The following ZMYM2 variants were observed in gnomAD, a reference collection of about 807,000 sequenced individuals.
The protein encoded by ZMYM2 is zinc finger MYM-type protein 2.
ZMYM2 carries 56 observed loss-of-function variants against 162.8 expected under a neutral mutation model. That is an observed-to-expected ratio of 0.34 (90% CI 0.28 to 0.43). The LOEUF is 0.43. Among genes scored for constraint, ZMYM2 ranks in the 20% least tolerant of loss-of-function variants. The pLI is 1.00. For missense variants in ZMYM2, 1,275 were observed against 1,621.8 expected (o/e 0.79, Z 3.67); for synonymous variants, 510 against 541.6 (o/e 0.94, Z 0.81).
intron 6 of ZMYM2, among the ~76,000 whole-genome samples, chr13:20,010,227 G>A (rs372936858): frequency 2.0e-5 from 3 of 151,908 alleles, no homozygotes; most frequent in Admixed American, 6.6e-5. Context: ...ACAGAGTCTC[G>A]CTCTGTTACC....
chr13:20,023,714 G>GT (rs1269621523), intron 7 of ZMYM2, among the ~76,000 whole-genome samples: 2 of 152,084 alleles, frequency 1.3e-5, no homozygotes, highest in East Asian at 3.8e-4. Context: ...CACTAAATGT[G>GT]TGTTTATAGG....
the ZMYM2 span, among the ~76,000 whole-genome samples, chr13:19,900,653 T>A: frequency 6.6e-6 from 1 of 152,184 alleles, no homozygotes; most frequent in South Asian, 2.1e-4. Flanking sequence ...TAGCTCAATA[T>A]GCCTGATGAA....
At chr13:19,885,943 A>ATACACACATATGTG in the ZMYM2 span, among the ~76,000 whole-genome samples, 1 of 24,416 alleles carries the variant, frequency 4.1e-5, no homozygotes, top group African/African-American at 1.5e-4. Flanking sequence ...ACACATATAT[A>ATACACACATATGTG]TGTATATACA....
At chr13:19,905,765 T>G in the ZMYM2 span, among the ~76,000 whole-genome samples, 1 of 152,238 alleles carries the variant, frequency 6.6e-6, no homozygotes, top group East Asian at 1.9e-4. Flanking sequence ...TTGTGTGCTC[T>G]GTCCTTTTGG....
the ZMYM2 span, among the ~76,000 whole-genome samples, chr13:19,891,627 A>T: frequency 2.7e-5 from 4 of 150,452 alleles, 1 homozygote; most frequent in African/African-American, 9.8e-5. Context: ...AAAAAAAAAA[A>T]ATTAGCTAGG....
chr13:19,964,936 T>C (rs922493531), intron 2 of ZMYM2, among the ~76,000 whole-genome samples: 2 of 152,214 alleles, frequency 1.3e-5, no homozygotes, highest in African/African-American at 4.8e-5. Flanking sequence ...GTTAAAACTC[T>C]TGCATTAAAC....
intron 3 of ZMYM2, among the ~76,000 whole-genome samples, chr13:19,994,657 T>G (rs1396516698): frequency 2.0e-5 from 3 of 151,972 alleles, no homozygotes; most frequent in Admixed American, 2.0e-4. Context: ...GCATGGCTAA[T>G]TTTTGTATTT....
chr13:19,883,092 T>C, the ZMYM2 span, among the ~76,000 whole-genome samples: 1 of 152,214 alleles, frequency 6.6e-6, no homozygotes, highest in Admixed American at 6.6e-5. Flanking sequence ...TATTTATGTA[T>C]GCTACAACAT....
intron 2 of ZMYM2, among the ~76,000 whole-genome samples, chr13:19,961,073 G>C (rs780234888): frequency 8.6e-5 from 13 of 151,636 alleles, no homozygotes; most frequent in Middle Eastern, 3.4e-3. Flanking sequence ...TAATACCTAT[G>C]GCGTGTATTG....
the ZMYM2 span, among the ~76,000 whole-genome samples, chr13:19,885,610 C>T: frequency 8.2e-3 from 1,250 of 151,966 alleles, 20 homozygotes; most frequent in African/African-American, 0.027. Context: ...GAGGCCGAGG[C>T]GGGTGGATCA....
chr13:20,012,710 C>T (rs1951304029), intron 6 of ZMYM2, among the ~76,000 whole-genome samples: 1 of 152,094 alleles, frequency 6.6e-6, no homozygotes, highest in African/African-American at 2.4e-5. Flanking sequence ...AGTTTTCCCA[C>T]CACCACCACC....
chr13:20,021,235 A>G (rs977648865), intron 7 of ZMYM2, among the ~76,000 whole-genome samples: 6 of 151,708 alleles, frequency 4.0e-5, no homozygotes, highest in Non-Finnish European at 7.4e-5. Context: ...TCGGCCTCCC[A>G]AAGTGCTGGA....
In ZMYM2 at chr13:20,062,869, A is replaced by T. The variant is rs931501628; in HGVS notation, c.2935A>T (p.Ile979Phe). 7 of 1,583,468 alleles carry T rather than the reference A, an allele frequency of 4.4e-6. No homozygotes were observed. Among genetic ancestry groups the T allele is most frequent in the Non-Finnish European group, 6.0e-6 (7 of 1,162,784 alleles). Reference protein sequence around the residue: ...INSVIIETDIIGSDLLKNSDP... With the variant: ...INSVIIETDIFGSDLLKNSDP... ...AGGTGTAATTATTGAAACAGATATA[A>T]TTGGTTCAGACCTTTTGAAGAACTC... The change falls in exon 18 of 25, where the codon ATT becomes TTT. Residue 979 changes from isoleucine to phenylalanine, a missense_variant. Physicochemically the swap from Ile to Phe is conservative, Grantham distance 21. This residue lies in a region of ZMYM2 where 229 missense variants were observed against 283.8 expected (regional missense o/e 0.81). Transcript: ENST00000610343.
intron 2 of ZMYM2, among the ~76,000 whole-genome samples, chr13:19,976,365 C>G (rs1341316284): frequency 6.6e-6 from 1 of 151,170 alleles, no homozygotes; most frequent in Non-Finnish European, 1.5e-5. Flanking sequence ...AGAAAAATAG[C>G]AATCCTAGTG....
At chr13:20,046,625 A>G (rs1263772708) in intron 12 of ZMYM2, among the ~76,000 whole-genome samples, 1 of 140,542 alleles carries the variant, frequency 7.1e-6, no homozygotes, top group Non-Finnish European at 1.5e-5. Flanking sequence ...ATGTGTATAT[A>G]TATGTGTATA....
the ZMYM2 span, among the ~76,000 whole-genome samples, chr13:19,950,748 C>T: frequency 1.3e-5 from 2 of 152,216 alleles, no homozygotes; most frequent in African/African-American, 4.8e-5. Flanking sequence ...TAACACTACT[C>T]AGTACAGAAA....
intron 2 of ZMYM2, among the ~76,000 whole-genome samples, chr13:19,972,393 T>G (rs1956405849): frequency 6.6e-6 from 1 of 152,190 alleles, no homozygotes; most frequent in Non-Finnish European, 1.5e-5. Flanking sequence ...TGTATTACAT[T>G]TACCCTTAAG....
Position 20,031,331 on chromosome 13 carries a change from C to G in ZMYM2, c.1864C>G (p.Gln622Glu). 1 of 1,605,452 alleles carries G rather than the reference C, an allele frequency of 6.2e-7. No individual in the cohort carries two copies. The highest frequency in any genetic ancestry group is 8.5e-7 in the Non-Finnish European group (1 of 1,177,452). The change falls in exon 10 of 25, where the codon CAG becomes GAG. Residue 622 changes from glutamine to glutamate, a missense_variant. Gln to Glu is a conservative substitution (Grantham distance 29). Transcript: ENST00000610343. ...CVAKFQALSM[Q>E]SSPNGQFVAP... The stretch of plus-strand genomic sequence containing the variant: ...TTCTTTGTTTTAGGCTCTAAGTATG[C>G]AGTCATCTCCAAATGGCCAGTTTGT...
chr13:20,051,268 T>TTC (rs1955311254), intron 12 of ZMYM2, among the ~76,000 whole-genome samples, 165 bp from the exon 13 acceptor site: 1 of 151,820 alleles, frequency 6.6e-6, no homozygotes, highest in Non-Finnish European at 1.5e-5. Flanking sequence ...TTTTTTTTTT[T>TTC]TTTTCATTTA....
Sources: gnomAD v4.1 joint callset for allele counts (sites outside exome capture counted in the v4.1 genomes callset) on GRCh38, gnomAD v4.1.1 for gene constraint, gnomAD v4.1.1 regional missense constraint, MANE v1.5 for transcripts, NCBI Gene and HGNC (gene_info 2026-07-23, HGNC 2026-07-21) for gene names.